TIAM2: variants seen among roughly 807,000 people sequenced by gnomAD.
TIAM2 encodes TIAM Rac1 associated GEF 2, also known as rho guanine nucleotide exchange factor TIAM2.
TIAM2 carries 80 observed loss-of-function variants against 152.9 expected under a neutral mutation model. The observed-to-expected ratio is 0.52, with a 90% CI of 0.44 to 0.63. TIAM2 has a LOEUF of 0.63. Ranked by LOEUF, TIAM2 falls within the 30% of genes least tolerant of loss-of-function variation. The pLI is 0.00. For missense variants in TIAM2, 1,965 were observed against 2,120.1 expected (o/e 0.93, Z 1.44); for synonymous variants, 804 against 838.0 (o/e 0.96, Z 0.70).
At chr6:155,122,456 T>C (rs1779181786) in intron 2 of TIAM2, among the ~76,000 whole-genome samples, 1 of 140,518 alleles carries the variant, frequency 7.1e-6, no homozygotes, top group Non-Finnish European at 1.6e-5. Flanking sequence ...ATTTTGGGGA[T>C]TGGGAAGGAA....
Position 155,072,954 on chromosome 6 carries a change from C to G in TIAM2, c.-208-17335C>G, listed in dbSNP as rs536664523. On this transcript the variant is annotated intron_variant, in intron 1 of 26. Transcript: ENST00000682666. ...ATTATGTGATGAATGAAAAGTGTTA[C>G]TAAAGATGAACTGTAGTCTATAGTT... is the stretch of plus-strand genomic sequence containing the variant. Among the ~76,000 whole-genome samples the G allele has an allele frequency of 3.2e-4, 49 of 152,064 alleles. 1 individual carries two copies. Among genetic ancestry groups the G allele is most frequent in the Non-Finnish European group, 6.3e-4 (43 of 68,004 alleles).
chr6:155,154,826 AT>A (rs1780066541), intron 7 of TIAM2, among the ~76,000 whole-genome samples: 2 of 152,190 alleles, frequency 1.3e-5, no homozygotes, highest in South Asian at 4.1e-4. Context: ...TCTGGGTTTT[AT>A]GAAATGTGGG....
At chr6:155,168,898 C>G (rs755885996) in intron 9 of TIAM2, 2 of 1,535,516 alleles carry the variant, frequency 1.3e-6, no homozygotes, top group South Asian at 2.4e-5. Context: ...TACCTCAAAA[C>G]TCCAGTAACT....
intron 1 of TIAM2, among the ~76,000 whole-genome samples, chr6:155,086,949 G>T (rs376297271): frequency 6.6e-6 from 1 of 152,178 alleles, no homozygotes; most frequent in Non-Finnish European, 1.5e-5. Context: ...AGCAGTTCTA[G>T]TAAAGGGGAA....
Position 155,256,958 on chromosome 6 carries a change from C to T in TIAM2, c.4943C>T (p.Thr1648Ile), listed in dbSNP as rs1784088603. 6.2e-7 allele frequency: 1 copy of T among 1,614,052 alleles called. No individual in the cohort carries two copies. The highest frequency in any genetic ancestry group is 1.7e-5 in the Admixed American group (1 of 59,996). ...AACAGCACCAAGAGGGACAGAGGAA[C>T]TTTGCTCAAGGCGCAGATCCGTCAC... ...KANSTKRDRGTLLKAQIRHQS... is the reference protein window; with the variant it reads ...KANSTKRDRGILLKAQIRHQS... Residue 1648 changes from threonine (T) to isoleucine (I), a missense_variant, in exon 27 of 27, where the codon ACT becomes ATT. Thr to Ile is a moderately conservative substitution (Grantham distance 89). Coordinates refer to ENST00000682666, the MANE Select transcript of TIAM2 (RefSeq NM_012454.4).
At chr6:155,113,438 C>T (rs1038175718) in intron 2 of TIAM2, among the ~76,000 whole-genome samples, 29 of 152,046 alleles carry the variant, frequency 1.9e-4, no homozygotes, top group South Asian at 8.3e-4. Context: ...ATTTATTTTT[C>T]GGCCAGGCGT....
At chr6:155,178,906 A>G (rs2115134621) in intron 10 of TIAM2, 133 bp from the exon 11 acceptor site, 1 of 722,324 alleles carries the variant, frequency 1.4e-6, no homozygotes, top group Non-Finnish European at 2.3e-6. Flanking sequence ...GAGCTCTTAT[A>G]TAGGTTTAAA....
chr6:155,079,744 C>T (rs1236497478), intron 1 of TIAM2, among the ~76,000 whole-genome samples: 2 of 152,106 alleles, frequency 1.3e-5, no homozygotes, highest in Non-Finnish European at 2.9e-5. Context: ...GTCAGGAGTT[C>T]GAGACTAGCC....
At chr6:155,080,244 G>A (rs1019654667) in intron 1 of TIAM2, among the ~76,000 whole-genome samples, 4 of 151,974 alleles carry the variant, frequency 2.6e-5, no homozygotes, top group Middle Eastern at 3.4e-3. Flanking sequence ...TATCACAAGG[G>A]CCTTCTCGGT....
chr6:155,163,145 G>A (rs1393459572), intron 7 of TIAM2, among the ~76,000 whole-genome samples: 1 of 152,170 alleles, frequency 6.6e-6, no homozygotes, highest in African/African-American at 2.4e-5. Context: ...GAAAGGCTAG[G>A]ATCTGTCTGG....
At chr6:155,014,618 G>T (rs756936544) in intron 1 of TIAM2, among the ~76,000 whole-genome samples, 7 of 151,998 alleles carry the variant, frequency 4.6e-5, no homozygotes, top group Admixed American at 4.6e-4. Context: ...CTGTTCTTTT[G>T]TCTTTAGTTT....
At chr6:155,006,810 T>A (rs1438757632) in intron 1 of TIAM2, among the ~76,000 whole-genome samples, 1 of 151,426 alleles carries the variant, frequency 6.6e-6, no homozygotes, top group Non-Finnish European at 1.5e-5. Flanking sequence ...TGCCTCAGCC[T>A]CCTGAGTAGC....
chr6:155,101,564 A>G (rs1046194397), intron 2 of TIAM2, among the ~76,000 whole-genome samples: 6 of 152,176 alleles, frequency 3.9e-5, no homozygotes, highest in African/African-American at 1.4e-4. Flanking sequence ...CTAAGCAGTA[A>G]GGAGTGGTGC....
chr6:155,163,219 C>T (rs1038678949), intron 7 of TIAM2, among the ~76,000 whole-genome samples: 27 of 152,166 alleles, frequency 1.8e-4, no homozygotes, highest in Admixed American at 1.4e-3. Context: ...TAACTCTTCA[C>T]ACTGCATCCT....
intron 9 of TIAM2, 35 bp downstream of exon 9, chr6:155,165,444 T>G (rs766908380): frequency 6.3e-7 from 1 of 1,578,636 alleles, no homozygotes; most frequent in African/African-American, 1.4e-5. Flanking sequence ...CAGACTAGAG[T>G]GAAATTCCTG....
intron 1 of TIAM2, among the ~76,000 whole-genome samples, chr6:155,090,072 G>A (rs959141312): frequency 2.6e-5 from 4 of 152,138 alleles, no homozygotes; most frequent in African/African-American, 9.6e-5. Flanking sequence ...AAATGAAGCA[G>A]TAAATCTACA....
At chr6:154,997,758 G>T (rs1355964133) in intron 1 of TIAM2, among the ~76,000 whole-genome samples, 1 of 138,186 alleles carries the variant, frequency 7.2e-6, no homozygotes, top group Admixed American at 8.4e-5. Context: ...TTCCTTCTCT[G>T]CCTTCCAAGT....
intron 1 of TIAM2, among the ~76,000 whole-genome samples, chr6:155,053,631 C>A (rs1777373506): frequency 6.6e-6 from 1 of 152,032 alleles, no homozygotes; most frequent in Admixed American, 6.6e-5. Flanking sequence ...CCACCATGCC[C>A]AGCTAATTTT....
intron 1 of TIAM2, among the ~76,000 whole-genome samples, chr6:155,030,179 T>A (rs1362293757): frequency 6.6e-6 from 1 of 152,052 alleles, no homozygotes. Flanking sequence ...CTTTCTGAAA[T>A]TACGGAGTTT....
Sources: allele counts gnomAD v4.1 joint callset (sites outside exome capture counted in the v4.1 genomes callset), GRCh38; gene constraint gnomAD v4.1.1; transcripts MANE v1.5; gene names NCBI Gene and HGNC (gene_info 2026-07-23, HGNC 2026-07-21).